FTO: variants seen among roughly 807,000 people sequenced by gnomAD.
The protein encoded by FTO is alpha-ketoglutarate-dependent dioxygenase FTO.
A neutral mutation model predicts 63.9 loss-of-function variants in FTO; 47 were observed. That is an observed-to-expected ratio of 0.74 (90% CI 0.58 to 0.94). The LOEUF is 0.94. FTO is among the 40% of genes least tolerant of loss of function. FTO has a pLI of 0.00. For synonymous variants in FTO, 207 were observed against 224.4 expected (o/e 0.92, Z 0.69); for missense variants, 562 against 618.1 (o/e 0.91, Z 0.96).
intron 1 of FTO, among the ~76,000 whole-genome samples, chr16:53,731,730 G>T (rs990054125): frequency 4.1e-5 from 6 of 146,884 alleles, no homozygotes; most frequent in Non-Finnish European, 1.5e-5. Context: ...GCGCCACCAC[G>T]CCCAACTAAT....
chr16:54,111,081 C>A (rs1181204407), intron 8 of FTO, among the ~76,000 whole-genome samples: 1 of 152,146 alleles, frequency 6.6e-6, no homozygotes, highest in African/African-American at 2.4e-5. Flanking sequence ...GATGAATAAT[C>A]CATTCAATAA....
intron 8 of FTO, among the ~76,000 whole-genome samples, chr16:53,939,835 G>A (rs886562824): frequency 6.6e-6 from 1 of 152,084 alleles, no homozygotes. Context: ...CTATATCGAT[G>A]TGCCACATTT....
At chr16:53,716,169 G>A (rs1037022401) in intron 1 of FTO, among the ~76,000 whole-genome samples, 4 of 152,070 alleles carry the variant, frequency 2.6e-5, no homozygotes, top group African/African-American at 9.7e-5. Context: ...TGAATGACTC[G>A]TAGCTGTTTG....
At chr16:54,026,851 G>A (rs1406114810) in intron 8 of FTO, among the ~76,000 whole-genome samples, 5 of 152,194 alleles carry the variant, frequency 3.3e-5, no homozygotes, top group African/African-American at 1.2e-4. Flanking sequence ...AGGAATTGAA[G>A]GAAAATGTGC....
intron 8 of FTO, chr16:53,981,152 C>T (rs1355419929): frequency 1.3e-5 from 2 of 152,156 alleles, no homozygotes; most frequent in South Asian, 4.1e-4. Flanking sequence ...TAGCAATGCT[C>T]TGTCCATACA....
At chr16:53,948,775 G>A (rs932737853) in intron 8 of FTO, among the ~76,000 whole-genome samples, 1 of 152,212 alleles carries the variant, frequency 6.6e-6, no homozygotes, top group Non-Finnish European at 1.5e-5. Context: ...TTGTGGGCAG[G>A]ATTCTGCTAT....
chr16:53,985,671 G>A (rs1319279357), intron 8 of FTO, among the ~76,000 whole-genome samples: 2 of 152,100 alleles, frequency 1.3e-5, no homozygotes, highest in African/African-American at 4.8e-5. Flanking sequence ...CCAAATGTAG[G>A]GCCCGAGTGA....
At chr16:53,897,301 C>T (rs2151919602) in intron 7 of FTO, among the ~76,000 whole-genome samples, 1 of 152,174 alleles carries the variant, frequency 6.6e-6, no homozygotes, top group East Asian at 1.9e-4. Context: ...CAGATCATCT[C>T]CTACTTGTTT....
intron 8 of FTO, among the ~76,000 whole-genome samples, chr16:54,062,052 T>C (rs2085589633): frequency 1.3e-5 from 2 of 152,182 alleles, no homozygotes; most frequent in South Asian, 2.1e-4. Context: ...CCAAGTAACA[T>C]GGCCACAGGC....
intron 8 of FTO, among the ~76,000 whole-genome samples, chr16:53,938,278 G>T (rs923637558): frequency 1.1e-4 from 16 of 152,300 alleles, no homozygotes; most frequent in Admixed American, 1.0e-3. Flanking sequence ...GTTACGTTTG[G>T]TTCTTTCTTT....
chr16:53,843,130 G>C (rs2388406), intron 3 of FTO, among the ~76,000 whole-genome samples: 71,118 of 151,968 alleles, frequency 0.47, 17,184 homozygotes, highest in Admixed American at 0.56. Context: ...GAAACCTACT[G>C]ATGAACATTT....
chr16:54,029,259 G>A (rs1245628819), intron 8 of FTO, among the ~76,000 whole-genome samples: 2 of 152,202 alleles, frequency 1.3e-5, no homozygotes, highest in African/African-American at 4.8e-5. Context: ...GCCACACTGA[G>A]AGATTTGTAG....
chr16:53,866,469 T>G (rs1267532057), intron 4 of FTO, among the ~76,000 whole-genome samples: 1 of 152,142 alleles, frequency 6.6e-6, no homozygotes, highest in East Asian at 1.9e-4. Flanking sequence ...CTTCCTTAAA[T>G]GTTTGGTAGA....
intron 8 of FTO, among the ~76,000 whole-genome samples, chr16:53,985,981 G>A (rs1478210636): frequency 1.3e-5 from 2 of 152,144 alleles, no homozygotes; most frequent in Non-Finnish European, 2.9e-5. Flanking sequence ...GATGAAAAAT[G>A]GCTGACTGGA....
chr16:53,715,125 A>T (rs1420484316), intron 1 of FTO, among the ~76,000 whole-genome samples: 1 of 152,142 alleles, frequency 6.6e-6, no homozygotes, highest in African/African-American at 2.4e-5. Flanking sequence ...TTGAATACGG[A>T]CTATTAGATG....
At chr16:54,004,389 CAAAT>C (rs60440155) in intron 8 of FTO, among the ~76,000 whole-genome samples, 93,384 of 148,344 alleles carry the variant, frequency 0.63, 30,235 homozygotes, top group African/African-American at 0.79. Flanking sequence ...CAAGACCCTG[CAAAT>C]AAATAAATAA....
At chr16:54,111,625 C>A in intron 8 of FTO, 137 bp from the exon 9 acceptor site, 1 of 882,412 alleles carries the variant, frequency 1.1e-6, no homozygotes, top group Admixed American at 1.8e-5. Context: ...CCTGTAGATT[C>A]ATTCAGTCGT....
At chr16:54,072,086 G>A (rs1194263057) in intron 8 of FTO, 1 of 152,154 alleles carries the variant, frequency 6.6e-6, no homozygotes, top group Admixed American at 6.5e-5. Flanking sequence ...CTGATTAATG[G>A]GCTGACCCCA....
At chr16:53,848,387 G>C (rs560075102) in intron 4 of FTO, among the ~76,000 whole-genome samples, 1 of 152,184 alleles carries the variant, frequency 6.6e-6, no homozygotes, top group Non-Finnish European at 1.5e-5. Flanking sequence ...GATGGGGAAC[G>C]TGTCGGGTGC....
Sources: gnomAD v4.1 joint callset for allele counts (sites outside exome capture counted in the v4.1 genomes callset) on GRCh38, gnomAD v4.1.1 for gene constraint, MANE v1.5 for transcripts, NCBI Gene and HGNC (gene_info 2026-07-23, HGNC 2026-07-21) for gene names.